The following B3GALT5 variants were observed in gnomAD, a reference collection of about 807,000 sequenced individuals.
B3GALT5 encodes the protein UDP-Gal:betaGlcNAc beta 1,3-galactosyltransferase, polypeptide 5.
For synonymous variants in B3GALT5, 156 were observed against 158.6 expected (o/e 0.98, Z 0.12); for missense variants, 328 against 396.6 (o/e 0.83, Z 1.47).
rs975455432 is a variant in B3GALT5, at chr21:39,655,356, A to G, written c.-160-4397A>G. 3.3e-5 allele frequency among the ~76,000 whole-genome samples: 5 copies of G among 152,218 alleles called. No homozygotes were observed. In the East Asian group the frequency reaches 9.6e-4, roughly 29 times the overall value. ...GAAAAGCTGGCACATAACATTCACC[A>G]TCGTGCTGCAAGAGCTGCAAAACCC... On this transcript the variant is annotated intron_variant, in intron 2 of 3. Transcript: ENST00000684187.
chr21:39,644,399 T>C (rs2079317476), intron 1 of B3GALT5, among the ~76,000 whole-genome samples: 1 of 152,184 alleles, frequency 6.6e-6, no homozygotes, highest in African/African-American at 2.4e-5. Context: ...CTTTTCATCT[T>C]TGTCGCCATT....
intron 2 of B3GALT5, among the ~76,000 whole-genome samples, chr21:39,654,843 G>T (rs1011776301): frequency 6.6e-6 from 1 of 152,126 alleles, no homozygotes; most frequent in Non-Finnish European, 1.5e-5. Flanking sequence ...GTATTTTTAC[G>T]TAAGATATGT....
intron 2 of B3GALT5, among the ~76,000 whole-genome samples, chr21:39,651,039 C>T (rs952360243): frequency 3.3e-5 from 5 of 151,916 alleles, no homozygotes; most frequent in East Asian, 1.9e-4. Flanking sequence ...TCCCCTGAAT[C>T]GGTGCCATCG....
chr21:39,647,461 C>T (rs1029784668), intron 2 of B3GALT5, among the ~76,000 whole-genome samples: 1 of 152,106 alleles, frequency 6.6e-6, no homozygotes, highest in African/African-American at 2.4e-5. Context: ...GCCTCAGTCT[C>T]CTGAGTGGCT....
In B3GALT5 at chr21:39,668,751, G is replaced by A. The variant is rs1050192963; in HGVS notation, c.*7259G>A. The A allele has an allele frequency of 6.6e-6, 1 of 152,222 alleles. No individual in the cohort carries two copies. The highest frequency in any genetic ancestry group is 2.4e-5 in the African/African-American group (1 of 41,430). The allele number at this position is 152,222 out of a possible 1,614,324, so 9.4% of individuals were successfully genotyped here. On this transcript the variant is annotated 3_prime_UTR_variant, in exon 4 of 4. Transcript: ENST00000684187. ...CTGCGCTCTGGAGTCAGGCTGCCTG[G>A]GTTTGAATTTTACCTTCCTCGCCAA...
At chr21:39,633,838 T>C (rs751816662) in intron 1 of B3GALT5, among the ~76,000 whole-genome samples, 11 of 152,226 alleles carry the variant, frequency 7.2e-5, no homozygotes, top group Non-Finnish European at 1.3e-4. Flanking sequence ...TGGGCTTCAT[T>C]ATTGAGTAAC....
chr21:39,640,157 T>G (rs1488258405), intron 1 of B3GALT5, among the ~76,000 whole-genome samples: 1 of 152,036 alleles, frequency 6.6e-6, no homozygotes, highest in Non-Finnish European at 1.5e-5. Context: ...TCGCCTGAGC[T>G]CTCACTCTTA....
chr21:39,629,273 C>G (rs1010153925), intron 1 of B3GALT5, among the ~76,000 whole-genome samples: 1 of 152,210 alleles, frequency 6.6e-6, no homozygotes, highest in Non-Finnish European at 1.5e-5. Context: ...CCTCAGCCCT[C>G]CAAAGTGCTG....
At position 39,659,831 on chromosome 21, in the gene B3GALT5, A is replaced by T; in HGVS notation, c.-82A>T. The T allele has an allele frequency of 1.0e-6, 1 of 985,090 alleles. No individual in the cohort carries two copies. Among genetic ancestry groups the T allele is most frequent in the Non-Finnish European group, 1.2e-6 (1 of 829,808 alleles). 61.0% of individuals were successfully genotyped at this position (985,090 alleles called of 1,614,324 possible). ...TAATTATGGAGCATTCTACACTGAC[A>T]GTTCTTTGAGACAAATTTCCTCTTG... On this transcript the variant is annotated 5_prime_UTR_variant, in exon 3 of 4. Coordinates refer to ENST00000684187, the MANE Select transcript of B3GALT5 (RefSeq NM_001356336.2).
In B3GALT5 at chr21:39,671,391, CCT is replaced by C. The variant is rs2079626741; in HGVS notation, c.*9906_*9907del. 1 of 152,246 alleles carries C rather than the reference CCT, an allele frequency of 6.6e-6. No homozygotes were observed. The highest frequency in any genetic ancestry group is 6.5e-5 in the Admixed American group (1 of 15,278). The allele number at this position is 152,246 out of a possible 1,614,324, so 9.4% of individuals were successfully genotyped here. On this transcript the variant is annotated 3_prime_UTR_variant, in exon 4 of 4. Transcript: ENST00000684187. The stretch of plus-strand genomic sequence containing the variant: ...ATTTTAAAGTTCTTCCAGCCTGATT[CCT>C]CTCTCTGTTTGGGTCTCTGGCATGG...
intron 1 of B3GALT5, among the ~76,000 whole-genome samples, chr21:39,616,388 C>T (rs1220805778): frequency 6.6e-6 from 1 of 152,140 alleles, no homozygotes; most frequent in Non-Finnish European, 1.5e-5. Context: ...GCTTGTGGCT[C>T]TGTTTTGTTG....
rs148317011 is a variant in B3GALT5 at position 39,622,636 on chromosome 21, C to T, written c.-392+9569C>T. Among the ~76,000 whole-genome samples, 72 of 152,138 alleles carry T rather than the reference C, an allele frequency of 4.7e-4. No homozygotes were observed. In the East Asian group the frequency reaches 0.013, roughly 26 times the overall value. ...TTACTTTGGGTGTGTCATTTGAACTCGCATATAGGTAGATTTTTTCCAACC... is the reference window on the plus strand; with the variant it reads ...TTACTTTGGGTGTGTCATTTGAACTTGCATATAGGTAGATTTTTTCCAACC... On this transcript the variant is annotated intron_variant, in intron 1 of 3. Coordinates refer to ENST00000684187, the MANE Select transcript of B3GALT5 (RefSeq NM_001356336.2).
intron 3 of B3GALT5, among the ~76,000 whole-genome samples, chr21:39,660,262 C>A (rs956707689): frequency 6.6e-6 from 1 of 152,184 alleles, no homozygotes; most frequent in African/African-American, 2.4e-5. Context: ...GAGTGAGGGA[C>A]CTGGTGCCAT....
At chr21:39,629,349 C>G (rs2079180462) in intron 1 of B3GALT5, among the ~76,000 whole-genome samples, 1 of 152,154 alleles carries the variant, frequency 6.6e-6, no homozygotes, top group Non-Finnish European at 1.5e-5. Flanking sequence ...CGTGCCATTT[C>G]ACATGGTCTA....
intron 1 of B3GALT5, among the ~76,000 whole-genome samples, chr21:39,628,477 A>G (rs538132192): frequency 1.3e-5 from 2 of 152,280 alleles, no homozygotes; most frequent in East Asian, 3.9e-4. Context: ...GCACCCACTT[A>G]GGGATACTGT....
chr21:39,614,383 G>A (rs2079096651), intron 1 of B3GALT5, among the ~76,000 whole-genome samples: 1 of 152,150 alleles, frequency 6.6e-6, no homozygotes, highest in South Asian at 2.1e-4. Context: ...TCAGGAAGGA[G>A]CTCAGTGTGA....
chr21:39,659,565 G>A (rs2079487978), intron 2 of B3GALT5, among the ~76,000 whole-genome samples, 188 bp from the exon 3 acceptor site: 1 of 152,150 alleles, frequency 6.6e-6, no homozygotes, highest in Non-Finnish European at 1.5e-5. Flanking sequence ...TGTTACTGTT[G>A]TGGACTTTGT....
chr21:39,628,800 T>C (rs1156518184), intron 1 of B3GALT5, among the ~76,000 whole-genome samples: 1 of 152,240 alleles, frequency 6.6e-6, no homozygotes, highest in Non-Finnish European at 1.5e-5. Context: ...CTTACTGGTC[T>C]CTGGATTCTA....
At chr21:39,646,809 A>G in intron 2 of B3GALT5, among the ~76,000 whole-genome samples, 187 bp downstream of exon 2, 1 of 152,150 alleles carries the variant, frequency 6.6e-6, no homozygotes, top group Non-Finnish European at 1.5e-5. Flanking sequence ...AGGGTCAAGA[A>G]CTGAAAGGGG....
Sources: gnomAD v4.1 joint callset for allele counts (sites outside exome capture counted in the v4.1 genomes callset) on GRCh38, gnomAD v4.1.1 for gene constraint, MANE v1.5 for transcripts, NCBI Gene and HGNC (gene_info 2026-07-23, HGNC 2026-07-21) for gene names.